The following APIP variants were observed in gnomAD, a reference collection of about 807,000 sequenced individuals.
APIP encodes the protein APAF1 interacting protein, also known as methylthioribulose-1-phosphate dehydratase.
In APIP, 32 loss-of-function variants were observed where a neutral mutation model predicts 32.0. The ratio of observed to expected loss-of-function variants is 1.00; its 90% CI spans 0.76 to 1.34. APIP has a LOEUF of 1.34. Among genes scored for constraint, APIP ranks in the 40% most tolerant of loss-of-function variants. The pLI, the probability that APIP is intolerant of heterozygous loss-of-function variation, is 0.00. For missense variants in APIP, 247 were observed against 298.6 expected (o/e 0.83, Z 1.27); for synonymous variants, 92 against 94.8 (o/e 0.97, Z 0.17).
intron 2 of APIP, among the ~76,000 whole-genome samples, chr11:34,892,631 T>C (rs1236691822): frequency 6.6e-6 from 1 of 152,192 alleles, no homozygotes; most frequent in African/African-American, 2.4e-5. Flanking sequence ...ATCCTGGAAT[T>C]GCCTTGATTA....
chr11:34,883,536 T>G, intron 5 of APIP, 32 bp from the exon 6 acceptor site: 4 of 1,603,852 alleles, frequency 2.5e-6, no homozygotes, highest in Non-Finnish European at 2.6e-6. Flanking sequence ...TTTTTTCCAT[T>G]AAAACAAATC....
intron 5 of APIP, among the ~76,000 whole-genome samples, chr11:34,885,842 C>G (rs1309300452): frequency 1.3e-5 from 2 of 152,092 alleles, no homozygotes; most frequent in African/African-American, 4.8e-5. Context: ...TTTTGGCTCT[C>G]AACAACTCCT....
chr11:34,897,192 G>C (rs1853287896), intron 1 of APIP, among the ~76,000 whole-genome samples: 1 of 152,162 alleles, frequency 6.6e-6, no homozygotes, highest in Admixed American at 6.5e-5. Flanking sequence ...ATGACTGATG[G>C]AGTAAACTTC....
At position 34,888,388 on chromosome 11, in the gene APIP, C is replaced by T. The variant is rs768882076; in HGVS notation, c.366G>A (p.Val122=). The T allele has an allele frequency of 5.0e-6, 8 of 1,611,228 alleles. No individual in the cohort carries two copies. In the African/African-American group the frequency reaches 8.0e-5, roughly 16 times the overall value. Residue 122 remains valine, a synonymous_variant, in exon 5 of 7, where the codon GTG becomes GTA. Transcript: ENST00000395787. ...AVIHTHSKAA[V]MATLLFPGRE... is the part of the protein sequence containing the mutation. ...GTCCTGGAAAGAGAAGTGTGGCCATCACAGCAGCTTTAGAGTGGGTATGAA... is the reference window on the plus strand; with the variant it reads ...GTCCTGGAAAGAGAAGTGTGGCCATTACAGCAGCTTTAGAGTGGGTATGAA...
intron 1 of APIP, among the ~76,000 whole-genome samples, chr11:34,895,751 TACAG>T (rs1483826285): frequency 3.2e-5 from 3 of 92,318 alleles, no homozygotes; most frequent in African/African-American, 6.0e-5. Context: ...TGTGTGTGTA[TACAG>T]ACAGATAAAT....
intron 2 of APIP, chr11:34,890,812 G>T: frequency 3.9e-6 from 1 of 256,978 alleles, no homozygotes; most frequent in Non-Finnish European, 7.4e-6. Context: ...GTGCAAAGTT[G>T]GTGGTAACCA....
At chr11:34,899,919 G>T (rs1164117737) in intron 1 of APIP, among the ~76,000 whole-genome samples, 1 of 152,200 alleles carries the variant, frequency 6.6e-6, no homozygotes, top group Non-Finnish European at 1.5e-5. Flanking sequence ...TTTCTAAACG[G>T]GTAACAGATC....
chr11:34,891,173 A>G (rs1232397393), intron 2 of APIP, among the ~76,000 whole-genome samples: 1 of 152,174 alleles, frequency 6.6e-6, no homozygotes, highest in Non-Finnish European at 1.5e-5. Context: ...AAGAGTTCAA[A>G]ATATCAGAAT....
At chr11:34,900,233 G>A (rs1242510522) in intron 1 of APIP, among the ~76,000 whole-genome samples, 3 of 152,192 alleles carry the variant, frequency 2.0e-5, no homozygotes, top group African/African-American at 7.2e-5. Context: ...TACCAGCCAT[G>A]GCAGGCAAGC....
intron 1 of APIP, among the ~76,000 whole-genome samples, chr11:34,909,663 G>A (rs1853513938): frequency 6.6e-6 from 1 of 152,182 alleles, no homozygotes; most frequent in Non-Finnish European, 1.5e-5. Context: ...AGAGCAGAGT[G>A]AGGAAGTGCT....
chr11:34,887,447 A>G (rs1853097040), intron 5 of APIP, among the ~76,000 whole-genome samples: 1 of 152,224 alleles, frequency 6.6e-6, no homozygotes, highest in Non-Finnish European at 1.5e-5. Flanking sequence ...CACAGTCCTG[A>G]GGAATGCTTT....
At chr11:34,914,348 C>T (rs756464008) in intron 1 of APIP, among the ~76,000 whole-genome samples, 6 of 152,172 alleles carry the variant, frequency 3.9e-5, no homozygotes, top group East Asian at 3.8e-4. Flanking sequence ...ACTAAATATT[C>T]GTTGAATTAA....
chr11:34,890,634 G>A (rs1001847455), intron 2 of APIP, 82 bp from the exon 3 acceptor site: 42 of 1,435,572 alleles, frequency 2.9e-5, no homozygotes, highest in Non-Finnish European at 2.3e-5. Context: ...AATCATGCAT[G>A]TTCTTTATAA....
At chr11:34,889,551 C>A (rs535686277) in intron 3 of APIP, among the ~76,000 whole-genome samples, 2 of 151,742 alleles carry the variant, frequency 1.3e-5, no homozygotes, top group South Asian at 4.2e-4. Context: ...TTGCATGTTA[C>A]AAGAGTCTGG....
At chr11:34,901,501 T>C (rs1481658080) in intron 1 of APIP, among the ~76,000 whole-genome samples, 3 of 152,108 alleles carry the variant, frequency 2.0e-5, no homozygotes, top group East Asian at 3.8e-4. Context: ...GATCTCCTTC[T>C]GGATACTGGA....
At chr11:34,907,555 T>C (rs1449685547) in intron 1 of APIP, among the ~76,000 whole-genome samples, 2 of 152,212 alleles carry the variant, frequency 1.3e-5, no homozygotes, top group Non-Finnish European at 2.9e-5. Context: ...AACAGAGATA[T>C]ACTTGGTGAA....
At chr11:34,898,829 C>T (rs1220077632) in intron 1 of APIP, among the ~76,000 whole-genome samples, 3 of 119,928 alleles carry the variant, frequency 2.5e-5, no homozygotes, top group East Asian at 2.4e-4. Context: ...GGCAGAGTCT[C>T]GCTCTTTCGC....
At position 34,890,557 on chromosome 11, in the gene APIP, C is replaced by T. The variant is rs1367893470; in HGVS notation, c.159-5G>A. The T allele has an allele frequency of 6.2e-7, 1 of 1,608,738 alleles. No individual in the cohort carries two copies. Among genetic ancestry groups the T allele is most frequent in the Admixed American group, 1.7e-5 (1 of 59,432 alleles). On this transcript the variant is annotated splice_polypyrimidine_tract_variant and splice_region_variant and intron_variant, in intron 2 of 6. Transcript: ENST00000395787. ...GGAGCAATGTAGATTTCATCGCTGG[C>T]AACACAAAACATACAAATTGGTATT...
At chr11:34,915,001 CAAAAAAAAAA>C (rs33914497) in intron 1 of APIP, among the ~76,000 whole-genome samples, 31 of 76,396 alleles carry the variant, frequency 4.1e-4, no homozygotes, top group Admixed American at 1.1e-3. Flanking sequence ...CAAAACGTGT[CAAAAAAAAAA>C]AAAAAAAAAA....
Sources: allele counts gnomAD v4.1 joint callset (sites outside exome capture counted in the v4.1 genomes callset), GRCh38; gene constraint gnomAD v4.1.1; transcripts MANE v1.5; gene names NCBI Gene and HGNC (gene_info 2026-07-23, HGNC 2026-07-21).